ROBO2: variants seen among roughly 807,000 people sequenced by gnomAD.
ROBO2 encodes the protein roundabout homolog 2.
A neutral mutation model predicts 160.8 loss-of-function variants in ROBO2; 53 were observed. That is an observed-to-expected ratio of 0.33 (90% CI 0.26 to 0.41). The LOEUF is 0.41. ROBO2 is among the 10% of genes least tolerant of loss of function. The pLI is 1.00. For synonymous variants in ROBO2, 664 were observed against 611.7 expected (o/e 1.09, Z -1.26); for missense variants, 1,577 against 1,722.4 (o/e 0.92, Z 1.49).
At chr3:76,648,552 G>A (rs2091094809) in intron 2 of ROBO2, among the ~76,000 whole-genome samples, 1 of 152,000 alleles carries the variant, frequency 6.6e-6, no homozygotes, top group African/African-American at 2.4e-5. Flanking sequence ...AATATTCTGA[G>A]TATGATAACT....
chr3:77,323,777 C>T (rs760248768), intron 2 of ROBO2, among the ~76,000 whole-genome samples: 25 of 152,200 alleles, frequency 1.6e-4, no homozygotes, highest in Admixed American at 7.9e-4. Context: ...AATTTTCAAG[C>T]TTTGAAAGGC....
At chr3:76,192,278 C>T (rs1702042696) in intron 2 of ROBO2, among the ~76,000 whole-genome samples, 1 of 151,158 alleles carries the variant, frequency 6.6e-6, no homozygotes, top group Non-Finnish European at 1.5e-5. Context: ...GTAACCTGAC[C>T]TTCGATTGGC....
At chr3:76,331,866 T>C (rs1451623982) in intron 2 of ROBO2, among the ~76,000 whole-genome samples, 2 of 151,926 alleles carry the variant, frequency 1.3e-5, no homozygotes, top group Non-Finnish European at 2.9e-5. Flanking sequence ...GTATTTTTAG[T>C]AGAGACGGAG....
Position 77,477,286 on chromosome 3 carries a change from A to AT in ROBO2, c.389-127dup, listed in dbSNP as rs774200274. On this transcript the variant is annotated intron_variant, in intron 2 of 25. Coordinates refer to ENST00000461745, the Ensembl canonical transcript of ROBO2. ...AGAATATTTTAAGGTGGATGTAGCT[A>AT]TGTTCTCAGTAAAAATCCAGGCAAT... The AT allele has an allele frequency of 3.7e-4, 329 of 894,710 alleles. 2 individuals are homozygous for AT. The highest frequency in any genetic ancestry group is 5.1e-4 in the Admixed American group (30 of 58,626). 55.4% of individuals were successfully genotyped at this position (894,710 alleles called of 1,614,324 possible). A position where few individuals can be genotyped will look rare whatever the true frequency, so the allele number is the denominator to read the frequency against.
At chr3:76,747,097 GTGC>G (rs556555961) in intron 2 of ROBO2, among the ~76,000 whole-genome samples, 2 of 152,016 alleles carry the variant, frequency 1.3e-5, no homozygotes, top group Non-Finnish European at 2.9e-5. Flanking sequence ...ATTGTCAATA[GTGC>G]TGCAATAAAC....
At chr3:77,574,641 G>T in exon 14 of ROBO2, 2 of 1,613,286 alleles carry the variant, frequency 1.2e-6, no homozygotes, top group Non-Finnish European at 1.7e-6. Context: ...CTGAAAAAGG[G>T]GGTGACTTAT....
chr3:77,521,088 G>T (rs760648525), intron 5 of ROBO2, among the ~76,000 whole-genome samples: 1 of 151,196 alleles, frequency 6.6e-6, no homozygotes, highest in Non-Finnish European at 1.5e-5. Context: ...CATGTATCGT[G>T]CTTTTTGTGT....
rs151307299 is a variant in ROBO2, at chr3:76,311,999, G to T, written c.109+374397G>T. Among the ~76,000 whole-genome samples, 435 of 152,330 alleles carry T rather than the reference G, an allele frequency of 2.9e-3. 2 individuals carry two copies. Among genetic ancestry groups the T allele is most frequent in the African/African-American group, 9.6e-3 (401 of 41,588 alleles). ...TTCTGCTGTTGAAAAATTATCGTGA[G>T]ATGGGAGAGAATTTTTGAGACTTTG... On this transcript the variant is annotated intron_variant, in intron 2 of 26. Coordinates refer to the ROBO2 transcript ENST00000487694.
chr3:77,450,351 G>C (rs985658127), intron 2 of ROBO2, among the ~76,000 whole-genome samples: 1 of 152,130 alleles, frequency 6.6e-6, no homozygotes, highest in East Asian at 1.9e-4. Context: ...AGAGAAAAAG[G>C]GCCCTGGATT....
chr3:77,111,886 T>C (rs533594118), intron 2 of ROBO2, among the ~76,000 whole-genome samples: 1 of 152,218 alleles, frequency 6.6e-6, no homozygotes, highest in Admixed American at 6.5e-5. Flanking sequence ...AGTACCTGTT[T>C]AAATTCACCA....
chr3:76,292,152 C>T (rs1576288160), intron 2 of ROBO2, among the ~76,000 whole-genome samples: 1 of 152,088 alleles, frequency 6.6e-6, no homozygotes, highest in African/African-American at 2.4e-5. Flanking sequence ...AAGTTTCTAC[C>T]ATTTCTTGTT....
chr3:76,540,761 T>A (rs1013476773), intron 2 of ROBO2, among the ~76,000 whole-genome samples: 2 of 152,024 alleles, frequency 1.3e-5, no homozygotes, highest in African/African-American at 4.8e-5. Flanking sequence ...GAAAAGTTTG[T>A]TATTTTTAAT....
chr3:77,549,544 G>A (rs1038736695), intron 7 of ROBO2, among the ~76,000 whole-genome samples: 4 of 151,930 alleles, frequency 2.6e-5, no homozygotes, highest in African/African-American at 7.3e-5. Flanking sequence ...AACATCACTC[G>A]TTTTAGACGG....
intron 2 of ROBO2, among the ~76,000 whole-genome samples, chr3:76,845,745 T>A (rs1442879701): frequency 2.0e-5 from 3 of 152,076 alleles, no homozygotes; most frequent in African/African-American, 7.2e-5. Flanking sequence ...CTTTCTTTTT[T>A]AAAAAATCAA....
intron 2 of ROBO2, among the ~76,000 whole-genome samples, chr3:76,607,237 T>G (rs961704060): frequency 2.0e-5 from 3 of 151,984 alleles, no homozygotes; most frequent in Non-Finnish European, 4.4e-5. Context: ...GCCTCCTGAG[T>G]ATCTGGGACT....
intron 2 of ROBO2, among the ~76,000 whole-genome samples, chr3:76,242,580 C>A (rs1404646691): frequency 1.3e-5 from 2 of 152,084 alleles, no homozygotes; most frequent in Non-Finnish European, 2.9e-5. Context: ...AAATAAATCT[C>A]CGAAGCAAGA....
At chr3:76,741,940 T>C (rs1011664991) in intron 2 of ROBO2, among the ~76,000 whole-genome samples, 2 of 152,078 alleles carry the variant, frequency 1.3e-5, no homozygotes, top group African/African-American at 4.8e-5. Flanking sequence ...TTATAAGAGT[T>C]ATGTCTATAG....
chr3:76,822,704 A>G (rs927317720), intron 2 of ROBO2, among the ~76,000 whole-genome samples: 2 of 151,810 alleles, frequency 1.3e-5, no homozygotes, highest in Non-Finnish European at 2.9e-5. Flanking sequence ...TGCCAGGTAT[A>G]AAGTGTGGTA....
chr3:76,445,921 A>G (rs1469837991), intron 2 of ROBO2, among the ~76,000 whole-genome samples: 1 of 152,168 alleles, frequency 6.6e-6, no homozygotes, highest in African/African-American at 2.4e-5. Flanking sequence ...TGACAAACCC[A>G]CAGCCAATAT....
Sources: allele counts gnomAD v4.1 joint callset (sites outside exome capture counted in the v4.1 genomes callset), GRCh38; gene constraint gnomAD v4.1.1; transcripts MANE v1.5; gene names NCBI Gene and HGNC (gene_info 2026-07-23, HGNC 2026-07-21).